Variants in HACE1 observed in about 807,000 individuals in gnomAD.
The protein encoded by HACE1 is HECT domain and ankyrin repeat containing E3 ubiquitin protein ligase 1.
In HACE1, 73 loss-of-function variants were observed where a neutral mutation model predicts 118.4. That is an observed-to-expected ratio of 0.62 (90% confidence interval 0.51 to 0.75). The LOEUF (loss-of-function observed/expected upper bound fraction) is 0.75, where lower values mean the gene tolerates loss of function less well. HACE1 is among the 30% of genes least tolerant of loss of function. The pLI, the probability that HACE1 is intolerant of heterozygous loss-of-function variation, is 0.00. For synonymous variants in HACE1, 368 were observed against 374.8 expected, an observed-to-expected ratio of 0.98 and a Z score of 0.21; for missense variants, 749 against 1,102.2, an observed-to-expected ratio of 0.68 and a Z score of 4.54.
Position 104,825,302 on chromosome 6 carries a change from C to G in HACE1, c.534+7740G>C, listed in dbSNP as rs183201337. Among the ~76,000 whole-genome samples the G allele has an allele frequency of 1.9e-4, 29 of 152,196 alleles. No individual in the cohort carries two copies. In the East Asian group the frequency reaches 4.1e-3, roughly 21 times the overall value. ...ACCAGCGACCTTTGCAAACCCCCAC[C>G]TCTTTGCGAGGCAGATGGGAAATTG... On this transcript the variant is annotated intron_variant, in intron 6 of 23. Transcript: ENST00000262903.
At chr6:104,754,464 C>A (rs1444300689) in intron 19 of HACE1, among the ~76,000 whole-genome samples, 1 of 152,108 alleles carries the variant, frequency 6.6e-6, no homozygotes, top group East Asian at 1.9e-4. Context: ...TGTGTCTTCA[C>A]ATCAGATTCC....
intron 3 of HACE1, among the ~76,000 whole-genome samples, chr6:104,849,914 T>C (rs1776029864): frequency 1.3e-5 from 2 of 150,110 alleles, no homozygotes; most frequent in South Asian, 4.2e-4. Context: ...CCTCCCAAAG[T>C]GCTAGGATTA....
At chr6:104,768,405 T>C (rs1780234346) in intron 19 of HACE1, among the ~76,000 whole-genome samples, 1 of 152,134 alleles carries the variant, frequency 6.6e-6, no homozygotes, top group South Asian at 2.1e-4. Context: ...CAATAGTATT[T>C]CCAAGAAACA....
At chr6:104,834,560 C>G (rs1189461074) in intron 5 of HACE1, among the ~76,000 whole-genome samples, 1 of 152,090 alleles carries the variant, frequency 6.6e-6, no homozygotes, top group East Asian at 1.9e-4. Context: ...ATCCATGCAT[C>G]AGTCTCTACT....
At chr6:104,779,940 A>G (rs536139595) in intron 14 of HACE1, among the ~76,000 whole-genome samples, 24 of 152,156 alleles carry the variant, frequency 1.6e-4, no homozygotes, top group Non-Finnish European at 3.1e-4. Context: ...GCACTTTACA[A>G]TGCATTACCA....
At chr6:104,837,671 A>G (rs914661188) in intron 5 of HACE1, among the ~76,000 whole-genome samples, 6 of 152,192 alleles carry the variant, frequency 3.9e-5, no homozygotes, top group African/African-American at 1.4e-4. Context: ...TGCTCTTCAA[A>G]AGACCCTCTT....
At chr6:104,814,932 C>A (rs1771966115) in intron 6 of HACE1, among the ~76,000 whole-genome samples, 1 of 138,658 alleles carries the variant, frequency 7.2e-6, no homozygotes, top group Non-Finnish European at 1.6e-5. Flanking sequence ...GTCAATTAAA[C>A]ATCTTTTCTT....
intron 22 of HACE1, among the ~76,000 whole-genome samples, chr6:104,738,108 C>T (rs1776146107): frequency 2.6e-5 from 4 of 151,710 alleles, no homozygotes; most frequent in Admixed American, 1.3e-4. Context: ...GCTGAGGGTC[C>T]TGTCTGTTAG....
Position 104,859,863 on chromosome 6 carries a change from T to G in HACE1, c.-221A>C. 4.0e-6 allele frequency: 2 copies of G among 499,446 alleles called. No homozygotes were observed. The highest frequency in any genetic ancestry group is 7.0e-6 in the Non-Finnish European group (2 of 284,796). 30.9% of individuals were successfully genotyped at this position (499,446 alleles called of 1,614,324 possible). A position where few individuals can be genotyped will look rare whatever the true frequency, so the allele number is the denominator to read the frequency against. ...ACAGTACACCCGCCGCCGCCTCTGC[T>G]CGCGCCTTTCCTGCAGCCCCCGCCG... is the stretch of plus-strand genomic sequence containing the variant. On this transcript the variant is annotated 5_prime_UTR_variant, in exon 1 of 24. Transcript: ENST00000262903.
At chr6:104,793,977 G>A (rs1783347038) in intron 10 of HACE1, among the ~76,000 whole-genome samples, 1 of 152,054 alleles carries the variant, frequency 6.6e-6, no homozygotes, top group Non-Finnish European at 1.5e-5. Context: ...CTATTGTTTT[G>A]GTCATGGGTT....
chr6:104,853,860 T>C (rs891819296), intron 1 of HACE1, among the ~76,000 whole-genome samples: 1 of 152,150 alleles, frequency 6.6e-6, no homozygotes, highest in African/African-American at 2.4e-5. Flanking sequence ...AAACCATGGA[T>C]AGTACCAAAC....
chr6:104,753,396 C>T (rs1222044945), intron 19 of HACE1, among the ~76,000 whole-genome samples: 1 of 152,216 alleles, frequency 6.6e-6, no homozygotes, highest in Non-Finnish European at 1.5e-5. Flanking sequence ...AGCAGCCAGA[C>T]TGCTTCTTTA....
chr6:104,745,829 T>C (rs1158123447), intron 20 of HACE1, among the ~76,000 whole-genome samples: 1 of 152,224 alleles, frequency 6.6e-6, no homozygotes, highest in Admixed American at 6.5e-5. Context: ...CCTGACCTTG[T>C]ACCTTAAATA....
chr6:104,764,639 AT>A (rs1433203149), intron 19 of HACE1, among the ~76,000 whole-genome samples: 4 of 152,246 alleles, frequency 2.6e-5, no homozygotes, highest in South Asian at 4.1e-4. Flanking sequence ...TATCTTCATC[AT>A]CACTATTATC....
chr6:104,769,235 A>G (rs1780357520), intron 19 of HACE1, among the ~76,000 whole-genome samples: 1 of 152,022 alleles, frequency 6.6e-6, no homozygotes, highest in Non-Finnish European at 1.5e-5. Context: ...AGGTCTCACT[A>G]TGTTGCCCAG....
At chr6:104,777,357 TCA>T in intron 14 of HACE1, 40 bp from the exon 15 acceptor site, 1 of 1,195,508 alleles carries the variant, frequency 8.4e-7, no homozygotes. Flanking sequence ...TAGCAGTGTA[TCA>T]GTCATCTAAT....
At chr6:104,757,073 G>T (rs1485265183) in intron 19 of HACE1, among the ~76,000 whole-genome samples, 2 of 152,150 alleles carry the variant, frequency 1.3e-5, no homozygotes, top group Non-Finnish European at 2.9e-5. Flanking sequence ...GCTTGAACTG[G>T]GCGGTGGCCA....
At chr6:104,753,833 C>T (rs540605467) in intron 19 of HACE1, among the ~76,000 whole-genome samples, 19 of 152,246 alleles carry the variant, frequency 1.2e-4, no homozygotes, top group African/African-American at 4.3e-4. Flanking sequence ...ACTCAAAAAG[C>T]CAGAGTGCCT....
chr6:104,802,662 C>T (rs954453645), intron 7 of HACE1, among the ~76,000 whole-genome samples: 1 of 152,112 alleles, frequency 6.6e-6, no homozygotes. Flanking sequence ...TTCTTTGAAA[C>T]CAATGAGAAC....
Sources: allele counts gnomAD v4.1 joint callset (sites outside exome capture counted in the v4.1 genomes callset), GRCh38; gene constraint gnomAD v4.1.1; transcripts MANE v1.5; gene names NCBI Gene and HGNC (gene_info 2026-07-23, HGNC 2026-07-21).